EML1: variants seen among roughly 807,000 people sequenced by gnomAD.
EML1 encodes the protein EMAP like 1, also known as echinoderm microtubule-associated protein-like 1.
Under a neutral mutation model 110.4 loss-of-function variants are expected in EML1, and 27 were observed. The ratio of observed to expected loss-of-function variants is 0.24; its 90% CI spans 0.18 to 0.34. The LOEUF (loss-of-function observed/expected upper bound fraction) is 0.34. Among genes scored for constraint, EML1 ranks in the 10% least tolerant of loss-of-function variants. The pLI, the probability that EML1 is intolerant of heterozygous loss-of-function variation, is 1.00. For missense variants in EML1, 741 were observed against 1,030.9 expected, an observed-to-expected ratio of 0.72 and a Z score of 3.85; for synonymous variants, 344 against 385.8, an observed-to-expected ratio of 0.89 and a Z score of 1.27.
At chr14:99,851,126 C>A in intron 2 of EML1, 91 bp downstream of exon 2, 1 of 1,341,482 alleles carries the variant, frequency 7.5e-7, no homozygotes. Context: ...TTAATATTGA[C>A]AGAGAATCGA....
rs934285386 is a variant in EML1, at chr14:99,889,602, G to A, written c.519-1597G>A. On this transcript the variant is annotated intron_variant, in intron 4 of 21. Coordinates refer to ENST00000262233, the MANE Select transcript of EML1 (RefSeq NM_004434.3). Reference sequence around the variant, plus strand: ...GCAGCGAACATGAATCCGTACGCACGGCTACAGCAGTGGCCTGAGAGTGGC... The same window carrying A: ...GCAGCGAACATGAATCCGTACGCACAGCTACAGCAGTGGCCTGAGAGTGGC... 3.9e-5 allele frequency among the ~76,000 whole-genome samples: 6 copies of A among 152,184 alleles called. No homozygotes were observed. The East Asian group carries it at 9.6e-4, about 24-fold the overall frequency.
In EML1 at chr14:99,940,138, G is replaced by GC; in HGVS notation, c.*27dup. 1 of 1,507,304 alleles carries GC rather than the reference G, an allele frequency of 6.6e-7. No homozygotes were observed. The highest frequency in any genetic ancestry group is 1.3e-5 in the South Asian group (1 of 76,372). 93.4% of individuals were successfully genotyped at this position (1,507,304 alleles called of 1,614,324 possible). A position where few individuals can be genotyped will look rare whatever the true frequency, so the allele number is the denominator to read the frequency against. On this transcript the variant is annotated 3_prime_UTR_variant, in exon 22 of 22. Transcript: ENST00000262233. ...TACCCACCGAGAGCTGTGGGGAGCA[G>GC]CATGGGCAAGGAAGACACAGACTCG...
intron 2 of EML1, among the ~76,000 whole-genome samples, chr14:99,862,033 T>C: frequency 6.6e-6 from 1 of 152,214 alleles, no homozygotes; most frequent in East Asian, 1.9e-4. Context: ...CCATGCAGGA[T>C]AACACATTAT....
upstream of EML1, among the ~76,000 whole-genome samples, chr14:99,792,401 A>G (rs2057685618): frequency 6.6e-6 from 1 of 152,186 alleles, no homozygotes. Flanking sequence ...TCCATTTTAT[A>G]TATTCTAATT....
At chr14:99,909,731 G>A (rs1288809537) in intron 11 of EML1, among the ~76,000 whole-genome samples, 1 of 152,210 alleles carries the variant, frequency 6.6e-6, no homozygotes, top group African/African-American at 2.4e-5. Flanking sequence ...GCTGCAGAGA[G>A]TATCAGAAGA....
Position 99,878,470 on chromosome 14 carries a change from C to T in EML1, c.384-15C>T. 1.3e-6 allele frequency: 2 copies of T among 1,599,640 alleles called. No individual in the cohort carries two copies. Among genetic ancestry groups the T allele is most frequent in the East Asian group, 2.2e-5 (1 of 44,718 alleles). On this transcript the variant is annotated splice_polypyrimidine_tract_variant and intron_variant, in intron 3 of 21. Transcript: ENST00000262233. ...GATATTAAGGAGTTCACTGTCACTTCCATTCCACCCTTAGTAACATCAAGA... is the reference window on the plus strand; with the variant it reads ...GATATTAAGGAGTTCACTGTCACTTTCATTCCACCCTTAGTAACATCAAGA...
chr14:99,889,660 T>C (rs1269461537), intron 4 of EML1, among the ~76,000 whole-genome samples: 1 of 152,118 alleles, frequency 6.6e-6, no homozygotes, highest in African/African-American at 2.4e-5. Context: ...GGAGGGCCCA[T>C]GAGCCAACGC....
chr14:99,754,045 G>A (rs1047899737), intron 1 of EML1, among the ~76,000 whole-genome samples: 12 of 152,180 alleles, frequency 7.9e-5, no homozygotes, highest in Non-Finnish European at 1.5e-4. Flanking sequence ...TGCATCACTG[G>A]CAGCTCCTGG....
chr14:99,870,516 A>C (rs1307312942), intron 3 of EML1, among the ~76,000 whole-genome samples: 1 of 152,250 alleles, frequency 6.6e-6, no homozygotes, highest in Non-Finnish European at 1.5e-5. Flanking sequence ...GTTACATTGG[A>C]GGAAGGTGCC....
chr14:99,891,072 A>C (rs543888377), intron 4 of EML1, 127 bp from the exon 5 acceptor site: 9 of 1,030,222 alleles, frequency 8.7e-6, no homozygotes, highest in Non-Finnish European at 1.3e-5. Flanking sequence ...TGTTTTTCTT[A>C]TTAACGTGTA....
chr14:99,822,665 G>A (rs982305716), intron 1 of EML1, among the ~76,000 whole-genome samples: 5 of 152,084 alleles, frequency 3.3e-5, no homozygotes, highest in African/African-American at 1.2e-4. Flanking sequence ...CTCTTGGACT[G>A]GGACTTGCAG....
chr14:99,778,740 T>G (rs1253682886), intron 1 of EML1, among the ~76,000 whole-genome samples: 2 of 152,236 alleles, frequency 1.3e-5, no homozygotes, highest in Non-Finnish European at 1.5e-5. Context: ...TGATGGTGTG[T>G]CTGGGTCTTT....
intron 3 of EML1, among the ~76,000 whole-genome samples, chr14:99,877,321 G>A (rs1163918097): frequency 1.3e-5 from 2 of 152,098 alleles, no homozygotes; most frequent in Non-Finnish European, 1.5e-5. Context: ...TTGAGGGTTA[G>A]GGTTTCCACA....
intron 2 of EML1, among the ~76,000 whole-genome samples, chr14:99,858,938 A>C (rs563016349): frequency 2.2e-4 from 34 of 152,356 alleles, no homozygotes; most frequent in African/African-American, 7.5e-4. Flanking sequence ...GGAGTTTTAT[A>C]TATCAAATAG....
intron 2 of EML1, among the ~76,000 whole-genome samples, chr14:99,856,862 AC>A (rs1379015547): frequency 6.6e-6 from 1 of 152,140 alleles, no homozygotes; most frequent in Non-Finnish European, 1.5e-5. Context: ...TTTCATTATG[AC>A]CCTCTCCCAC....
At chr14:99,811,078 T>C (rs1251889761) in intron 1 of EML1, among the ~76,000 whole-genome samples, 1 of 148,934 alleles carries the variant, frequency 6.7e-6, no homozygotes, top group African/African-American at 2.4e-5. Context: ...TCTTATGATG[T>C]TCACCTCATA....
intron 19 of EML1, 97 bp from the exon 20 acceptor site, chr14:99,937,720 T>C: frequency 9.2e-7 from 1 of 1,082,180 alleles, no homozygotes; most frequent in Non-Finnish European, 1.4e-6. Context: ...CAGGAAGGGC[T>C]CTGTACCCAA....
chr14:99,919,416 A>G (rs952005144), intron 16 of EML1, among the ~76,000 whole-genome samples: 4 of 90,446 alleles, frequency 4.4e-5, no homozygotes, highest in East Asian at 5.9e-4. Context: ...ACACATACGC[A>G]TGCACACAGA....
At chr14:99,863,293 C>G (rs572125059) in intron 2 of EML1, among the ~76,000 whole-genome samples, 1 of 152,210 alleles carries the variant, frequency 6.6e-6, no homozygotes, top group Non-Finnish European at 1.5e-5. Context: ...TCCTGCCCCC[C>G]ACTACCTTCA....
Sources: gnomAD v4.1 joint callset for allele counts (sites outside exome capture counted in the v4.1 genomes callset) on GRCh38, gnomAD v4.1.1 for gene constraint, MANE v1.5 for transcripts, NCBI Gene and HGNC (gene_info 2026-07-23, HGNC 2026-07-21) for gene names.